SHOX: variants seen among roughly 807,000 people sequenced by gnomAD.
The protein encoded by SHOX is SHOX homeobox, also known as short stature homeobox protein.
A neutral mutation model predicts 29.6 loss-of-function variants in SHOX; 12 were observed. That is an observed-to-expected ratio of 0.41 (90% confidence interval 0.26 to 0.66). The LOEUF (loss-of-function observed/expected upper bound fraction) is 0.66. SHOX is among the 30% of genes least tolerant of loss of function. The probability of loss-of-function intolerance (pLI) is 0.35; values close to 1 mark genes in which losing one functional copy is unlikely to be tolerated. For missense variants in SHOX, 499 were observed against 437.7 expected (o/e 1.14, Z -1.25); for synonymous variants, 214 against 200.6 (o/e 1.07, Z -0.57).
At position 640,998 on chromosome X, in the gene SHOX, G is replaced by A; in HGVS notation, c.545-1G>A. The A allele has an allele frequency of 6.2e-7, 1 of 1,613,862 alleles. No individual in the cohort carries two copies. Among genetic ancestry groups the A allele is most frequent in the Non-Finnish European group, 8.5e-7 (1 of 1,179,862 alleles). Reference sequence around the variant, plus strand: ...CTGACACCTGCTCCCTTTGGACACAGGCGTCATCTTGGGCACAGCCAACCA... The same window carrying A: ...CTGACACCTGCTCCCTTTGGACACAAGCGTCATCTTGGGCACAGCCAACCA... On this transcript the variant is annotated splice_acceptor_variant, in intron 3 of 4. Transcript: ENST00000686671. LOFTEE classifies it high-confidence loss of function.
At chrX:635,953 G>C (rs2052739595) in intron 2 of SHOX, among the ~76,000 whole-genome samples, 1 of 151,878 alleles carries the variant, frequency 6.6e-6, no homozygotes, top group Admixed American at 6.6e-5. Context: ...CGACCAGAGA[G>C]AGAACCGTGA....
intron 2 of SHOX, among the ~76,000 whole-genome samples, chrX:638,834 G>A (rs997042321): frequency 9.2e-5 from 14 of 152,232 alleles, no homozygotes; most frequent in Non-Finnish European, 1.2e-4. Flanking sequence ...CGGAGTGACT[G>A]GTTCACTCAC....
chrX:631,248 CGCGCGCCCCTCGCTGT>C, intron 1 of SHOX, 74 bp downstream of exon 1: 1 of 1,560,438 alleles, frequency 6.4e-7, no homozygotes, highest in Middle Eastern at 2.0e-4. Flanking sequence ...GAGTCGGCCC[CGCGCGCCCCTCGCTGT>C]GCACATTTGC....
At chrX:630,163 C>T (rs1380648103), upstream of SHOX, among the ~76,000 whole-genome samples, 1 of 152,164 alleles carries the variant, frequency 6.6e-6, no homozygotes, top group Non-Finnish European at 1.5e-5. Context: ...GCCCGCGTCC[C>T]GGTTTGGGGA....
chrX:641,954 G>C (rs1047722325), intron 4 of SHOX, among the ~76,000 whole-genome samples: 1 of 152,100 alleles, frequency 6.6e-6, no homozygotes, highest in Non-Finnish European at 1.5e-5. Context: ...CCCTGGCTTG[G>C]GCTCTGCACC....
In SHOX at chrX:631,139, A is replaced by G; in HGVS notation, c.242A>G (p.Lys81Arg). 1 of 1,613,354 alleles carries G rather than the reference A, an allele frequency of 6.2e-7. No individual in the cohort carries two copies. ...GACCACGTAGACAATGACAAGGAGA[A>G]ACTGAAAGAATTCGGCACCGCGAGA... is the stretch of plus-strand genomic sequence containing the variant. ...FKDHVDNDKE[K>R]LKEFGTARVA... Residue 81 changes from lysine (K) to arginine (R), a missense_variant, in exon 1 of 5, where the codon AAA becomes AGA. Coordinates refer to ENST00000686671, the MANE Select transcript of SHOX (RefSeq NM_000451.4).
chrX:653,818 GCAGA>G (rs1372313055), downstream of SHOX, among the ~76,000 whole-genome samples: 1 of 151,958 alleles, frequency 6.6e-6, no homozygotes, highest in African/African-American at 2.4e-5. Flanking sequence ...ATGTTTAATA[GCAGA>G]CAATGTAGGG....
At chrX:642,045 T>A (rs760203295) in intron 4 of SHOX, among the ~76,000 whole-genome samples, 8 of 152,322 alleles carry the variant, frequency 5.3e-5, no homozygotes, top group Admixed American at 2.6e-4. Flanking sequence ...GATTTGGGGC[T>A]TCCAGGGAGT....
At position 640,895 on chromosome X, in the gene SHOX, G is replaced by C; in HGVS notation, c.544+17G>C. On this transcript the variant is annotated intron_variant, in intron 3 of 4. Coordinates refer to ENST00000686671, the MANE Select transcript of SHOX (RefSeq NM_000451.4). ...TGCATAAAGGTGGGTGTCGGGACTG[G>C]GGGGACCTGAAGCTGGGGGATCCTG... The C allele has an allele frequency of 6.2e-7, 1 of 1,613,910 alleles. No individual in the cohort carries two copies. The highest frequency in any genetic ancestry group is 1.3e-5 in the African/African-American group (1 of 75,034).
In SHOX at chrX:649,007, GTTTCTTTCTTTCTT is replaced by G. The variant is rs376663720; in HGVS notation, c.*4396_*4409del. 0.039 allele frequency among the ~76,000 whole-genome samples: 5,183 copies of G among 134,322 alleles called. 268 individuals carry two copies. Among genetic ancestry groups the G allele is most frequent in the African/African-American group, 0.13 (4,801 of 35,696 alleles). 88.1% of individuals were successfully genotyped at this position (134,322 alleles called of 152,430 possible). On this transcript the variant is annotated 3_prime_UTR_variant, in exon 5 of 5. Transcript: ENST00000686671. ...CTTTTTCTTTCTCTTTTCCTTTTTTGTTTCTTTCTTTCTTTTTCTTTCTTTCTTTTTCTTTCTTC... is the reference window on the plus strand; with the variant it reads ...CTTTTTCTTTCTCTTTTCCTTTTTTGTTTCTTTCTTTCTTTTTCTTTCTTC...
intron 1 of SHOX, among the ~76,000 whole-genome samples, chrX:625,688 T>C (rs1320718513): frequency 4.1e-5 from 5 of 122,056 alleles, no homozygotes; most frequent in South Asian, 6.0e-4. Flanking sequence ...TTTTTTTCTC[T>C]CTTCCTCTGT....
chrX:641,151 A>G (rs1462161737), intron 4 of SHOX, 64 bp downstream of exon 4: 13 of 1,481,146 alleles, frequency 8.8e-6, no homozygotes, highest in Non-Finnish European at 1.2e-5. Flanking sequence ...CCTTTCCCCT[A>G]TTTGCTGCCG....
rs1364701934 is a variant in SHOX at position 651,065 on chromosome X, C to T, written c.*6429C>T. ...AGGTCCCGTGGGAAGGAGGCAAAAG[C>T]CCCTGCTTCTTACTTTGTGATGTAT... On this transcript the variant is annotated 3_prime_UTR_variant, in exon 5 of 5. Transcript: ENST00000686671. 6.6e-6 allele frequency among the ~76,000 whole-genome samples: 1 copy of T among 151,848 alleles called. No homozygotes were observed. The highest frequency in any genetic ancestry group is 1.5e-5 in the Non-Finnish European group (1 of 67,998).
chrX:640,676 G>A, intron 2 of SHOX, 145 bp from the exon 3 acceptor site: 1 of 828,544 alleles, frequency 1.2e-6, no homozygotes, highest in South Asian at 1.4e-5. Context: ...CAGAGGGGCG[G>A]TAAGTGTCTG....
chrX:630,765 A>C, upstream of SHOX: 1 of 1,165,638 alleles, frequency 8.6e-7, no homozygotes, highest in Non-Finnish European at 1.3e-6. Flanking sequence ...GCCGCGTATA[A>C]ATAGTGAGAT....
chrX:635,887 G>A (rs953452769), intron 2 of SHOX, among the ~76,000 whole-genome samples: 6 of 141,286 alleles, frequency 4.2e-5, no homozygotes, highest in Admixed American at 2.1e-4. Flanking sequence ...AGAGAGAGAC[G>A]GTCAGGATCC....
upstream of SHOX, chrX:630,605 TAC>T: frequency 1.8e-6 from 1 of 562,400 alleles, no homozygotes; most frequent in Admixed American, 3.1e-5. Flanking sequence ...CACCAAGGTG[TAC>T]GGACGCCAAA....
chrX:649,818 G>T lies in SHOX; in HGVS notation c.*5182G>T, dbSNP rs761279860. The stretch of plus-strand genomic sequence containing the variant: ...TCCCCAAAACTTGGCCAAATAGTCC[G>T]TGGAGGGTTGTCAGTCGCCGCAGTT... On this transcript the variant is annotated 3_prime_UTR_variant, in exon 5 of 5. Transcript: ENST00000686671. 1 of 441,478 alleles carries T rather than the reference G, an allele frequency of 2.3e-6. No individual in the cohort carries two copies. The highest frequency in any genetic ancestry group is 2.4e-5 in the Admixed American group (1 of 41,616). The allele number at this position is 441,478 out of a possible 1,614,324, so 27.3% of individuals were successfully genotyped here.
In SHOX at chrX:635,768, C is replaced by G. The variant is rs754921314; in HGVS notation, c.486+942C>G. 2.0e-5 allele frequency among the ~76,000 whole-genome samples: 3 copies of G among 152,186 alleles called. No homozygotes were observed. In the East Asian group the frequency reaches 5.8e-4, roughly 29 times the overall value. On this transcript the variant is annotated intron_variant, in intron 2 of 4. Transcript: ENST00000686671. ...TGGGAGAGCCTCCAAATGGCTTCTT[C>G]CAGCCCCTGCCTGACAGTTCAGCTC...
Sources: allele counts gnomAD v4.1 joint callset (sites outside exome capture counted in the v4.1 genomes callset), GRCh38; gene constraint gnomAD v4.1.1; transcripts MANE v1.5; gene names NCBI Gene and HGNC (gene_info 2026-07-23, HGNC 2026-07-21).